CRACD: variants seen among roughly 807,000 people sequenced by gnomAD.
The protein encoded by CRACD is capping protein inhibiting regulator of actin dynamics.
A neutral mutation model predicts 106.8 loss-of-function variants in CRACD; 56 were observed. That is an observed-to-expected ratio of 0.52 (90% CI 0.42 to 0.66). The LOEUF is 0.66. Among genes scored for constraint, CRACD ranks in the 30% least tolerant of loss-of-function variants. The probability of loss-of-function intolerance (pLI) is 0.00; values close to 1 mark genes in which losing one functional copy is unlikely to be tolerated. For synonymous variants in CRACD, 754 were observed against 670.8 expected, an observed-to-expected ratio of 1.12 and a Z score of -1.92; for missense variants, 1,730 against 1,623.2, an observed-to-expected ratio of 1.07 and a Z score of -1.13.
intron 2 of CRACD, among the ~76,000 whole-genome samples, chr4:56,233,477 C>G (rs1739768622): frequency 6.6e-6 from 1 of 151,992 alleles, no homozygotes; most frequent in Admixed American, 6.6e-5. Flanking sequence ...GCCTTTACAT[C>G]TTTGGTCAAA....
At chr4:56,224,369 A>G (rs1246681645) in intron 2 of CRACD, among the ~76,000 whole-genome samples, 1 of 152,080 alleles carries the variant, frequency 6.6e-6, no homozygotes, top group Non-Finnish European at 1.5e-5. Flanking sequence ...AGGTCTTTTC[A>G]TCCATTATAT....
At chr4:56,050,513 C>T (rs1371695132) in intron 1 of CRACD, among the ~76,000 whole-genome samples, 1 of 152,014 alleles carries the variant, frequency 6.6e-6, no homozygotes, top group Non-Finnish European at 1.5e-5. Context: ...AGTTCTTTGG[C>T]ATTGTTTGTG....
chr4:56,116,971 A>G (rs9996882), intron 1 of CRACD, among the ~76,000 whole-genome samples: 72,715 of 150,074 alleles, frequency 0.48, 18,999 homozygotes, highest in African/African-American at 0.7. Flanking sequence ...GCTTACCAAG[A>G]TGCTGGGATT....
intron 1 of CRACD, among the ~76,000 whole-genome samples, chr4:56,133,892 A>C (rs1374492429): frequency 6.6e-6 from 1 of 152,158 alleles, no homozygotes; most frequent in African/African-American, 2.4e-5. Context: ...AGGAATTGTG[A>C]AAGACTTCAT....
intron 2 of CRACD, among the ~76,000 whole-genome samples, chr4:56,254,975 G>A (rs904258755): frequency 1.3e-5 from 2 of 151,638 alleles, no homozygotes; most frequent in African/African-American, 4.8e-5. Context: ...ATAACTAGGA[G>A]TAGTGGCAGG....
At chr4:56,090,571 T>G (rs1733393352) in intron 1 of CRACD, among the ~76,000 whole-genome samples, 1 of 152,122 alleles carries the variant, frequency 6.6e-6, no homozygotes, top group Non-Finnish European at 1.5e-5. Context: ...ATTTTTGTAT[T>G]TTTTGTAGAG....
At chr4:56,287,409 A>C (rs1322472881) in intron 3 of CRACD, among the ~76,000 whole-genome samples, 1 of 151,904 alleles carries the variant, frequency 6.6e-6, no homozygotes, top group Non-Finnish European at 1.5e-5. Flanking sequence ...CAGCCTCCTG[A>C]GTAGCTGGGA....
rs1577784366 is a variant in CRACD, at chr4:56,238,468, T to G, written c.-188-33853T>G. Reference sequence around the variant, plus strand: ...TTTTCTAACTTAGCCTTGGAAACCATGCAGCATCCCTTCCACCACAGTCAC... The same window carrying G: ...TTTTCTAACTTAGCCTTGGAAACCAGGCAGCATCCCTTCCACCACAGTCAC... On this transcript the variant is annotated intron_variant, in intron 2 of 10. Transcript: ENST00000682029. 2.6e-5 allele frequency among the ~76,000 whole-genome samples: 4 copies of G among 152,168 alleles called. No homozygotes were observed. The South Asian group carries it at 6.2e-4, about 24-fold the overall frequency.
chr4:56,114,975 A>T (rs545541508), intron 1 of CRACD, among the ~76,000 whole-genome samples: 9 of 152,312 alleles, frequency 5.9e-5, no homozygotes, highest in African/African-American at 1.9e-4. Flanking sequence ...AGGAGATAAA[A>T]TGTACAAATA....
chr4:56,218,786 C>T (rs1738875848), intron 2 of CRACD, among the ~76,000 whole-genome samples: 2 of 151,980 alleles, frequency 1.3e-5, no homozygotes, highest in South Asian at 4.1e-4. Flanking sequence ...AAATTTTCTT[C>T]CTATGACTGC....
At chr4:56,272,515 C>T (rs1473093612) in intron 3 of CRACD, 23 bp downstream of exon 3, 1 of 152,544 alleles carries the variant, frequency 6.6e-6, no homozygotes, top group Non-Finnish European at 1.5e-5. Flanking sequence ...ACTTTCCTTT[C>T]AGATCTTTGG....
At chr4:56,147,094 G>A (rs753500493) in intron 1 of CRACD, among the ~76,000 whole-genome samples, 8 of 152,094 alleles carry the variant, frequency 5.3e-5, no homozygotes, top group Admixed American at 5.2e-4. Flanking sequence ...GGCCAGTAGC[G>A]GTGGGCTAAC....
At chr4:56,125,253 T>G (rs904466264) in intron 1 of CRACD, among the ~76,000 whole-genome samples, 1 of 152,214 alleles carries the variant, frequency 6.6e-6, no homozygotes, top group African/African-American at 2.4e-5. Context: ...TGTTGATTTT[T>G]TTAAATTGTA....
chr4:56,136,330 C>T (rs1289564556), intron 1 of CRACD, among the ~76,000 whole-genome samples: 2 of 152,130 alleles, frequency 1.3e-5, no homozygotes, highest in Non-Finnish European at 2.9e-5. Flanking sequence ...TTTTAAAAAA[C>T]TGATAAACTG....
intron 1 of CRACD, among the ~76,000 whole-genome samples, chr4:56,094,509 A>G (rs999297673): frequency 6.8e-6 from 1 of 147,418 alleles, no homozygotes; most frequent in East Asian, 2.0e-4. Context: ...GCTCACTGAA[A>G]CCTCCATCTC....
intron 1 of CRACD, among the ~76,000 whole-genome samples, chr4:56,131,340 A>T (rs993271049): frequency 3.9e-5 from 6 of 152,212 alleles, no homozygotes; most frequent in Admixed American, 3.9e-4. Context: ...AGAATGCCAC[A>T]TTACAGACGA....
At chr4:56,327,272 C>CT (rs1264198268) in intron 10 of CRACD, among the ~76,000 whole-genome samples, 5 of 152,052 alleles carry the variant, frequency 3.3e-5, no homozygotes, top group African/African-American at 1.2e-4. Context: ...ATTTGCCTCT[C>CT]TGTGTTTCAC....
At chr4:56,184,296 C>G (rs1157303764) in intron 2 of CRACD, among the ~76,000 whole-genome samples, 1 of 152,192 alleles carries the variant, frequency 6.6e-6, no homozygotes, top group African/African-American at 2.4e-5. Flanking sequence ...GTCTCAAATT[C>G]CTGGCCTCAG....
At chr4:56,200,207 G>A (rs182072372) in intron 2 of CRACD, among the ~76,000 whole-genome samples, 5 of 151,554 alleles carry the variant, frequency 3.3e-5, no homozygotes, top group South Asian at 2.1e-4. Context: ...GCTCTTGTCC[G>A]TTACACTATG....
Sources: allele counts gnomAD v4.1 joint callset (sites outside exome capture counted in the v4.1 genomes callset), GRCh38; gene constraint gnomAD v4.1.1; transcripts MANE v1.5; gene names NCBI Gene and HGNC (gene_info 2026-07-23, HGNC 2026-07-21).